MINDY3: variants seen among roughly 807,000 people sequenced by gnomAD.
The protein encoded by MINDY3 is ubiquitin carboxyl-terminal hydrolase MINDY-3.
In MINDY3, 38 loss-of-function variants were observed where a neutral mutation model predicts 69.2. That is an observed-to-expected ratio of 0.55 (90% CI 0.42 to 0.72). MINDY3 has a LOEUF of 0.72. Among genes scored for constraint, MINDY3 ranks in the 30% least tolerant of loss-of-function variants. The pLI is 0.00. For missense variants in MINDY3, 522 were observed against 519.0 expected (o/e 1.01, Z -0.06); for synonymous variants, 192 against 180.1 (o/e 1.07, Z -0.53).
At chr10:15,831,990 T>C (rs1840499963) in intron 8 of MINDY3, among the ~76,000 whole-genome samples, 1 of 152,122 alleles carries the variant, frequency 6.6e-6, no homozygotes, top group South Asian at 2.1e-4. Context: ...AGCCTCCTAT[T>C]CTTGAAACCT....
At chr10:15,837,086 A>C in intron 6 of MINDY3, 118 bp downstream of exon 6, 1 of 603,896 alleles carries the variant, frequency 1.7e-6, no homozygotes, top group Non-Finnish European at 2.9e-6. Context: ...TTCAACGTAA[A>C]AGATTTTTAT....
At chr10:15,817,694 A>T (rs1839470971) in intron 9 of MINDY3, 1 of 152,228 alleles carries the variant, frequency 6.6e-6, no homozygotes, top group Admixed American at 6.5e-5. Context: ...AAAAATGACG[A>T]ATCTTAGCAA....
chr10:15,812,870 T>C (rs1839102141), intron 10 of MINDY3, among the ~76,000 whole-genome samples: 1 of 152,166 alleles, frequency 6.6e-6, no homozygotes, highest in Admixed American at 6.5e-5. Context: ...TATTAGACAT[T>C]TCTACCCCTC....
chr10:15,792,368 T>C (rs925324813), intron 11 of MINDY3, among the ~76,000 whole-genome samples: 1 of 152,086 alleles, frequency 6.6e-6, no homozygotes. Context: ...TACAAGCTCA[T>C]AAATAAGTAG....
chr10:15,843,742 A>C (rs1833643042), intron 2 of MINDY3, among the ~76,000 whole-genome samples: 1 of 152,108 alleles, frequency 6.6e-6, no homozygotes, highest in East Asian at 1.9e-4. Flanking sequence ...TCAGGAGCTC[A>C]AGTTTAACTC....
chr10:15,843,191 T>C (rs779122981), intron 3 of MINDY3, 21 bp downstream of exon 3: 1 of 1,604,270 alleles, frequency 6.2e-7, no homozygotes, highest in South Asian at 1.1e-5. Context: ...AAGCAAAAGT[T>C]TTAAAAGACA....
chr10:15,798,360 T>C (rs1043790881), intron 10 of MINDY3, among the ~76,000 whole-genome samples: 4 of 151,972 alleles, frequency 2.6e-5, no homozygotes, highest in African/African-American at 4.8e-5. Flanking sequence ...ATTTTAGCCA[T>C]AGAAGGTTTA....
chr10:15,810,446 C>G (rs115726270), intron 10 of MINDY3, among the ~76,000 whole-genome samples: 6 of 152,052 alleles, frequency 3.9e-5, no homozygotes, highest in Non-Finnish European at 8.8e-5. Flanking sequence ...TTCAATAATA[C>G]GGGTGGTTTG....
At chr10:15,814,894 T>G (rs1255114442) in intron 10 of MINDY3, among the ~76,000 whole-genome samples, 2 of 152,214 alleles carry the variant, frequency 1.3e-5, no homozygotes, top group East Asian at 3.8e-4. Flanking sequence ...GTCCTCAGAC[T>G]CACAGCTCAT....
At chr10:15,840,093 G>C (rs769040917) in intron 4 of MINDY3, among the ~76,000 whole-genome samples, 1 of 151,604 alleles carries the variant, frequency 6.6e-6, no homozygotes, top group Non-Finnish European at 1.5e-5. Context: ...TCAATATACA[G>C]ACTGGCTTTA....
chr10:15,847,732 T>A, intron 2 of MINDY3, 132 bp downstream of exon 2: 1 of 549,748 alleles, frequency 1.8e-6, no homozygotes, highest in Non-Finnish European at 3.3e-6. Flanking sequence ...TATTGTAATT[T>A]ACATGAGCAA....
chr10:15,825,692 A>G (rs1026846104), intron 8 of MINDY3, among the ~76,000 whole-genome samples: 41 of 152,368 alleles, frequency 2.7e-4, no homozygotes, highest in African/African-American at 9.9e-4. Flanking sequence ...TTGACAAATT[A>G]AAGTTGTATA....
intron 10 of MINDY3, among the ~76,000 whole-genome samples, chr10:15,796,402 TGGA>T (rs1176027199): frequency 6.6e-6 from 1 of 151,674 alleles, no homozygotes; most frequent in East Asian, 1.9e-4. Flanking sequence ...ATAATACATG[TGGA>T]GTTTTACATA....
intron 1 of MINDY3, 98 bp from the exon 2 acceptor site, chr10:15,848,041 C>G: frequency 1.1e-6 from 1 of 923,454 alleles, no homozygotes; most frequent in South Asian, 1.4e-5. Flanking sequence ...TCACTTATCA[C>G]AACAGCAAAA....
intron 7 of MINDY3, among the ~76,000 whole-genome samples, chr10:15,834,264 T>A (rs2132059112): frequency 6.6e-6 from 1 of 151,878 alleles, no homozygotes; most frequent in Non-Finnish European, 1.5e-5. Context: ...ATGAATAAAT[T>A]TTCTCATTTA....
chr10:15,838,577 A>T (rs547058627), intron 4 of MINDY3, among the ~76,000 whole-genome samples: 1 of 151,780 alleles, frequency 6.6e-6, no homozygotes, highest in Non-Finnish European at 1.5e-5. Context: ...TCAGTGCCTC[A>T]CATATCATAA....
chr10:15,838,025 A>T (rs1833206226), intron 5 of MINDY3: 1 of 979,630 alleles, frequency 1.0e-6, no homozygotes, highest in African/African-American at 1.8e-5. Context: ...GTATCTGGGT[A>T]GTTAATTAAG....
intron 9 of MINDY3, among the ~76,000 whole-genome samples, chr10:15,820,563 T>A (rs952272145): frequency 6.6e-6 from 1 of 152,132 alleles, no homozygotes; most frequent in Admixed American, 6.6e-5. Context: ...TGTTTCAGAA[T>A]AGCTTTAGTT....
intron 8 of MINDY3, among the ~76,000 whole-genome samples, chr10:15,830,595 AC>A (rs2132041924): frequency 6.6e-6 from 1 of 152,302 alleles, no homozygotes; most frequent in African/African-American, 2.4e-5. Context: ...TCCACAGTAC[AC>A]CTGAGAGGCA....
Sources: gnomAD v4.1 joint callset for allele counts (sites outside exome capture counted in the v4.1 genomes callset) on GRCh38, gnomAD v4.1.1 for gene constraint, MANE v1.5 for transcripts, NCBI Gene and HGNC (gene_info 2026-07-23, HGNC 2026-07-21) for gene names.